Variants in PTPRF observed in about 807,000 individuals in gnomAD.
PTPRF encodes receptor-type tyrosine-protein phosphatase F.
A neutral mutation model predicts 201.8 loss-of-function variants in PTPRF; 59 were observed. The ratio of observed to expected loss-of-function variants is 0.29; its 90% CI spans 0.24 to 0.36. PTPRF has a LOEUF of 0.36. PTPRF is among the 10% of genes least tolerant of loss of function. The pLI, the probability that PTPRF is intolerant of heterozygous loss-of-function variation, is 1.00. For synonymous variants in PTPRF, 1,088 were observed against 1,089.7 expected (o/e 1.00, Z 0.03); for missense variants, 2,132 against 2,690.5 (o/e 0.79, Z 4.59).
chr1:43,569,912 G>T, intron 6 of PTPRF, 134 bp downstream of exon 6: 3 of 1,039,362 alleles, frequency 2.9e-6, no homozygotes, highest in Non-Finnish European at 4.0e-6. Flanking sequence ...GGTGGGCTGG[G>T]TCTTACTGCA....
At position 43,597,894 on chromosome 1, in the gene PTPRF, C is replaced by T. The variant is rs572442326; in HGVS notation, c.1960C>T (p.Arg654Cys). The T allele has an allele frequency of 3.7e-6, 6 of 1,606,084 alleles. No individual in the cohort carries two copies. The highest frequency in any genetic ancestry group is 1.1e-5 in the South Asian group (1 of 89,082). Residue 654 changes from arginine to cysteine, a missense_variant, in exon 12 of 34, where the codon CGC (arginine) becomes TGC (cysteine). Coordinates refer to ENST00000359947, the MANE Select transcript of PTPRF (RefSeq NM_002840.5). ...VAYEAVDGED[R>C]GRHVVDGISR... ...CTACGAGGCGGTGGACGGCGAGGAC[C>T]GCGGGCGGCATGTGGTGGATGGCAT... is the stretch of plus-strand genomic sequence containing the variant.
rs548299444 is a variant in PTPRF, at chr1:43,573,492, C to T, written c.568+3714C>T. On this transcript the variant is annotated intron_variant, in intron 6 of 33. Transcript: ENST00000359947. ...CAGCATCTGGCTGCAGGAGGAGGCC[C>T]GTGGGTGGGACGCAGAGGGCTTGCA... Among the ~76,000 whole-genome samples the T allele has an allele frequency of 9.2e-5, 14 of 152,318 alleles. No individual in the cohort carries two copies. In the South Asian group the frequency reaches 1.2e-3, roughly 14 times the overall value.
In PTPRF at chr1:43,591,313, C is replaced by T. The variant is rs1228096536; in HGVS notation, c.1291C>T (p.Leu431=). The change falls in exon 9 of 34, where the codon CTG becomes TTG. Residue 431 remains leucine, a synonymous_variant. Coordinates refer to ENST00000359947, the MANE Select transcript of PTPRF (RefSeq NM_002840.5). The stretch of plus-strand genomic sequence containing the variant: ...ACGCATGCTGAGCGCCAGCACCATG[C>T]TGGTGCAGTGGGAGCCTCCCGAGGA... ...QARMLSASTM[L]VQWEPPEEPN... 6 of 1,551,770 alleles carry T rather than the reference C, an allele frequency of 3.9e-6. No homozygotes were observed. The East Asian group carries it at 1.2e-4, about 31-fold the overall frequency.
chr1:43,598,078 G>T, intron 12 of PTPRF, 25 bp downstream of exon 12: 1 of 1,451,598 alleles, frequency 6.9e-7, no homozygotes, highest in African/African-American at 1.4e-5. Context: ...CGGGGCGGGA[G>T]GGGAGGCGTT....
intron 23 of PTPRF, among the ~76,000 whole-genome samples, chr1:43,615,809 G>A (rs535621363): frequency 1.1e-4 from 16 of 151,988 alleles, no homozygotes; most frequent in East Asian, 3.9e-4. Flanking sequence ...CTCGTGATCC[G>A]CCCACCTTGG....
chr1:43,613,695 A>G lies in PTPRF; in HGVS notation c.4051A>G (p.Lys1351Glu), dbSNP rs769612296. The change falls in exon 23 of 34, where the codon AAG (lysine) becomes GAG (glutamate). Residue 1351 changes from lysine (K) to glutamate (E), a missense_variant. Physicochemically the swap from Lys to Glu is moderately conservative, Grantham distance 56. Coordinates refer to ENST00000359947, the MANE Select transcript of PTPRF (RefSeq NM_002840.5). ...IERLKANDGL[K>E]FSQEYESIDP... is the part of the protein sequence containing the mutation. ...GCGCCTCAAAGCCAACGATGGCCTC[A>G]AGTTCTCCCAGGAGTATGAGGTGAG... 2 of 1,614,044 alleles carry G rather than the reference A, an allele frequency of 1.2e-6. No individual in the cohort carries two copies. Among genetic ancestry groups the G allele is most frequent in the East Asian group, 2.2e-5 (1 of 44,870 alleles).
intron 5 of PTPRF, among the ~76,000 whole-genome samples, chr1:43,564,624 G>A (rs577391669): frequency 2.6e-5 from 4 of 152,282 alleles, no homozygotes; most frequent in African/African-American, 9.6e-5. Context: ...GGCTGTGCAT[G>A]TTTCTATGGT....
intron 22 of PTPRF, among the ~76,000 whole-genome samples, chr1:43,612,251 A>G (rs559974549): frequency 1.3e-5 from 2 of 152,260 alleles, no homozygotes; most frequent in East Asian, 1.9e-4. Context: ...TCCTGTGGGC[A>G]GAAGTGTTGC....
intron 5 of PTPRF, among the ~76,000 whole-genome samples, chr1:43,558,811 T>TG (rs1250867453): frequency 6.6e-6 from 1 of 151,548 alleles, no homozygotes; most frequent in Non-Finnish European, 1.5e-5. Flanking sequence ...TCCAGGAGGT[T>TG]GAGGGGCAGT....
At chr1:43,617,158 G>A (rs1022603024) in intron 23 of PTPRF, among the ~76,000 whole-genome samples, 4 of 152,088 alleles carry the variant, frequency 2.6e-5, no homozygotes, top group Non-Finnish European at 4.4e-5. Flanking sequence ...TTAGGTGAGT[G>A]CAGGGCTTCG....
At chr1:43,578,083 G>C (rs953819442) in intron 6 of PTPRF, among the ~76,000 whole-genome samples, 1 of 152,236 alleles carries the variant, frequency 6.6e-6, no homozygotes, top group Non-Finnish European at 1.5e-5. Context: ...CCCGATCCTG[G>C]CTCCTGTCTG....
At chr1:43,600,997 G>A (rs1295900158) in intron 13 of PTPRF, among the ~76,000 whole-genome samples, 3 of 152,190 alleles carry the variant, frequency 2.0e-5, no homozygotes, top group African/African-American at 7.2e-5. Flanking sequence ...TGGAAGGGAC[G>A]TGGGCCCAGC....
upstream of PTPRF, chr1:43,528,610 C>T (rs966400489): frequency 1.3e-5 from 2 of 152,268 alleles, no homozygotes; most frequent in Non-Finnish European, 2.9e-5. Flanking sequence ...GCATGTGTCC[C>T]TCATGGAGCC....
intron 13 of PTPRF, 102 bp from the exon 14 acceptor site, chr1:43,601,969 T>C: frequency 7.1e-7 from 1 of 1,412,678 alleles, no homozygotes; most frequent in Non-Finnish European, 1.0e-6. Flanking sequence ...CCAAAAGCCC[T>C]CCCTCTGTCC....
intron 3 of PTPRF, among the ~76,000 whole-genome samples, chr1:43,552,945 T>C (rs1276406870): frequency 6.6e-6 from 1 of 152,100 alleles, no homozygotes; most frequent in East Asian, 1.9e-4. Flanking sequence ...AACTGGACTG[T>C]CTAGGCCTTT....
chr1:43,538,607 G>A (rs1644171079), intron 2 of PTPRF, among the ~76,000 whole-genome samples: 1 of 152,220 alleles, frequency 6.6e-6, no homozygotes, highest in Non-Finnish European at 1.5e-5. Context: ...GAGGTGGATG[G>A]GGAATGACAT....
chr1:43,564,416 C>T (rs949682752), intron 5 of PTPRF, among the ~76,000 whole-genome samples: 3 of 152,136 alleles, frequency 2.0e-5, no homozygotes, highest in East Asian at 3.9e-4. Context: ...TCCAGGCGCA[C>T]GTGTTTTGGC....
chr1:43,563,146 T>C (rs1181783192), intron 5 of PTPRF, among the ~76,000 whole-genome samples: 5 of 148,214 alleles, frequency 3.4e-5, no homozygotes, highest in African/African-American at 1.3e-4. Flanking sequence ...CCACTGCACT[T>C]CAGCCTAGGC....
At chr1:43,525,749 G>A (rs1404411593), upstream of PTPRF, among the ~76,000 whole-genome samples, 15 of 141,086 alleles carry the variant, frequency 1.1e-4, no homozygotes, top group African/African-American at 3.9e-4. Flanking sequence ...AGGTTGCAGT[G>A]AGCCGAGATG....
Sources: allele counts gnomAD v4.1 joint callset (sites outside exome capture counted in the v4.1 genomes callset), GRCh38; gene constraint gnomAD v4.1.1; transcripts MANE v1.5; gene names NCBI Gene and HGNC (gene_info 2026-07-23, HGNC 2026-07-21).